The following DARS2 variants were observed in gnomAD, a reference collection of about 807,000 sequenced individuals.
DARS2 encodes aspartate--tRNA ligase, mitochondrial.
Under a neutral mutation model 83.0 loss-of-function variants are expected in DARS2, and 63 were observed. The ratio of observed to expected loss-of-function variants is 0.76; its 90% CI spans 0.62 to 0.94. DARS2 has a LOEUF of 0.94. Among genes scored for constraint, DARS2 ranks in the 40% least tolerant of loss-of-function variants. DARS2 has a pLI of 0.00. For synonymous variants in DARS2, 250 were observed against 269.3 expected (o/e 0.93, Z 0.70); for missense variants, 675 against 774.4 (o/e 0.87, Z 1.52).
At position 173,857,595 on chromosome 1, in the gene DARS2, G is replaced by A; in HGVS notation, c.1828G>A (p.Gly610Arg). Reference sequence around the variant, plus strand: ...CATAGCCTTCCCAAAGTCCTTCCGGGGACATGACCTCATGAGCAATACCCC... The same window carrying A: ...CATAGCCTTCCCAAAGTCCTTCCGGAGACATGACCTCATGAGCAATACCCC... ...DVIAFPKSFR[G>R]HDLMSNTPDS... The change falls in exon 17 of 17, where the codon GGA (glycine) becomes AGA (arginine). Residue 610 changes from glycine to arginine, a missense_variant. By Grantham distance (125) the Gly-to-Arg change is moderately radical. Transcript: ENST00000649689. 2 of 1,614,082 alleles carry A rather than the reference G, an allele frequency of 1.2e-6. No homozygotes were observed. The highest frequency in any genetic ancestry group is 1.7e-6 in the Non-Finnish European group (2 of 1,180,026).
intron 13 of DARS2, 102 bp from the exon 14 acceptor site, chr1:173,853,247 A>G: frequency 2.6e-6 from 3 of 1,139,610 alleles, no homozygotes; most frequent in Non-Finnish European, 4.0e-6. Context: ...TTAATTGGCT[A>G]ATCCTTTCCT....
intron 15 of DARS2, among the ~76,000 whole-genome samples, chr1:173,855,593 C>G (rs1653829588): frequency 6.6e-6 from 1 of 152,196 alleles, no homozygotes; most frequent in South Asian, 2.1e-4. Flanking sequence ...CCCAGCCCAG[C>G]TTCCAGTCAG....
chr1:173,836,863 C>T (rs1653023045), intron 7 of DARS2, 77 bp from the exon 8 acceptor site: 1 of 1,168,096 alleles, frequency 8.6e-7, no homozygotes, highest in Admixed American at 1.7e-5. Context: ...GTAACAACTT[C>T]TACTAGTTAG....
Position 173,833,497 on chromosome 1 carries a change from A to T in DARS2, c.614A>T (p.His205Leu). 1 of 1,614,134 alleles carries T rather than the reference A, an allele frequency of 6.2e-7. No individual in the cohort carries two copies. The highest frequency in any genetic ancestry group is 8.5e-7 in the Non-Finnish European group (1 of 1,180,018). ...ATGCGGGAATATCTCTGTAATCTGC[A>T]TGGTAAGAGAAATGCCTGGATGCTC... The part of the protein sequence containing the change: ...MKMREYLCNL[H>L]GFVDIETPTL... Residue 205 changes from histidine to leucine, a missense_variant and splice_region_variant, in exon 6 of 17, where the codon CAT (histidine) becomes CTT (leucine). Physicochemically the swap from His to Leu is moderately conservative, Grantham distance 99. Transcript: ENST00000649689.
intron 3 of DARS2, among the ~76,000 whole-genome samples, chr1:173,829,509 G>A (rs1473815815): frequency 6.6e-6 from 1 of 152,084 alleles, no homozygotes; most frequent in Non-Finnish European, 1.5e-5. Context: ...GCCAGGCATG[G>A]TGGCTCACAC....
chr1:173,839,388 G>A lies in DARS2; in HGVS notation c.862G>A (p.Val288Ile). 6.2e-7 allele frequency: 1 copy of A among 1,614,156 alleles called. No homozygotes were observed. Among genetic ancestry groups the A allele is most frequent in the Non-Finnish European group, 8.5e-7 (1 of 1,180,028 alleles). Residue 288 changes from valine to isoleucine, a missense_variant, in exon 10 of 17, where the codon GTA becomes ATA. Val to Ile is a conservative substitution (Grantham distance 29). Coordinates refer to ENST00000649689, the MANE Select transcript of DARS2 (RefSeq NM_018122.5). Reference sequence around the variant, plus strand: ...TCAGATTGACATAGAGATGTCATTTGTAGACCAGACTGGGATCCAGAGTTT... The same window carrying A: ...TCAGATTGACATAGAGATGTCATTTATAGACCAGACTGGGATCCAGAGTTT... ...FTQIDIEMSF[V>I]DQTGIQSLIE...
chr1:173,854,053 GCAATCT>G (rs1653775230), intron 15 of DARS2, 148 bp downstream of exon 15: 1 of 708,992 alleles, frequency 1.4e-6, no homozygotes, highest in African/African-American at 1.8e-5. Context: ...ATAGCTCACT[GCAATCT>G]CAGTCTCCTG....
intron 4 of DARS2, 41 bp downstream of exon 4, chr1:173,830,802 T>G: frequency 6.7e-7 from 1 of 1,489,718 alleles, no homozygotes; most frequent in East Asian, 2.3e-5. Flanking sequence ...TTTGCTTGTA[T>G]GCATTTGCAC....
intron 7 of DARS2, among the ~76,000 whole-genome samples, chr1:173,834,724 G>GTTTTTTTTTTTTTTTTTTTTTTTTTTT (rs1203102003): frequency 6.8e-5 from 1 of 14,768 alleles, no homozygotes; most frequent in Non-Finnish European, 1.5e-4. Flanking sequence ...TTTCCTTTGA[G>GTTTTTTTTTTTTTTTTTTTTTTTTTTT]TTTTTTTGTT....
intron 11 of DARS2, among the ~76,000 whole-genome samples, chr1:173,841,791 C>T (rs1008365096): frequency 1.3e-5 from 2 of 152,100 alleles, no homozygotes; most frequent in Admixed American, 6.6e-5. Flanking sequence ...ATAGCAAGAC[C>T]GTGTCTCAAA....
chr1:173,851,798 C>G lies in DARS2; in HGVS notation c.1344+1319C>G, dbSNP rs1353139413. The G allele has an allele frequency of 1.6e-5, 16 of 981,480 alleles. No homozygotes were observed. In the Admixed American group the frequency reaches 4.3e-4, roughly 26 times the overall value. The allele number at this position is 981,480 out of a possible 1,614,324, so 60.8% of individuals were successfully genotyped here. ...CTAGTACTTCATCAAGTTCTTTCTT[C>G]TAATCTATATTTTCATTTGTCATTG... On this transcript the variant is annotated intron_variant, in intron 13 of 16. Coordinates refer to ENST00000649689, the MANE Select transcript of DARS2 (RefSeq NM_018122.5).
chr1:173,850,407 G>T lies in DARS2; in HGVS notation c.1272G>T (p.Leu424=). The change falls in exon 13 of 17, where the codon CTG becomes CTT. Residue 424 remains leucine, a synonymous_variant. Transcript: ENST00000649689. Reference sequence around the variant, plus strand: ...ATTTCATAATGGAGTCACAAAGACTGGAATTAATCAGACTAATGGAGACCC... The same window carrying T: ...ATTTCATAATGGAGTCACAAAGACTTGAATTAATCAGACTAATGGAGACCC... ...VANFIMESQR[L]ELIRLMETQE... The T allele has an allele frequency of 6.2e-7, 1 of 1,613,858 alleles. No individual in the cohort carries two copies. Among genetic ancestry groups the T allele is most frequent in the East Asian group, 2.2e-5 (1 of 44,838 alleles).
Position 173,832,768 on chromosome 1 carries a change from C to CA in DARS2, c.493-590dup, listed in dbSNP as rs5779442. Among the ~76,000 whole-genome samples the CA allele has an allele frequency of 3.0e-3, 315 of 103,638 alleles. 3 individuals are homozygous for CA. The highest frequency in any genetic ancestry group is 4.5e-3 in the Middle Eastern group (1 of 222). 68.0% of individuals were successfully genotyped at this position (103,638 alleles called of 152,430 possible). A position where few individuals can be genotyped will look rare whatever the true frequency, so the allele number is the denominator to read the frequency against. On this transcript the variant is annotated intron_variant, in intron 5 of 16. Transcript: ENST00000649689. ...TGGGTGACACAGCAAGACTCCATCT[C>CA]AAAAAAAAAAAAAAAAAAGAGAGAG... is the stretch of plus-strand genomic sequence containing the variant.
chr1:173,833,150 TTCAG>T (rs1652856321), intron 5 of DARS2, among the ~76,000 whole-genome samples: 1 of 152,150 alleles, frequency 6.6e-6, no homozygotes. Flanking sequence ...GTAGGCAAAT[TTCAG>T]TCAGTGAAGA....
At chr1:173,850,603 ATCT>A in intron 13 of DARS2, 124 bp downstream of exon 13, 1 of 1,054,826 alleles carries the variant, frequency 9.5e-7, no homozygotes. Flanking sequence ...CTCTGCATAA[ATCT>A]TTTTTTTTTT....
intron 10 of DARS2, among the ~76,000 whole-genome samples, chr1:173,840,565 T>TTCC (rs1305235853): frequency 6.6e-6 from 1 of 152,226 alleles, no homozygotes; most frequent in Non-Finnish European, 1.5e-5. Flanking sequence ...GTCAGACTGC[T>TTCC]TGTGTTAAAT....
chr1:173,854,559 C>G (rs1378636432), intron 15 of DARS2, among the ~76,000 whole-genome samples: 2 of 152,108 alleles, frequency 1.3e-5, no homozygotes, highest in African/African-American at 4.8e-5. Flanking sequence ...ACTGAGGCAA[C>G]TTACTTAACT....
intron 5 of DARS2, 124 bp from the exon 6 acceptor site, chr1:173,833,252 G>T: frequency 1.3e-6 from 1 of 770,906 alleles, no homozygotes; most frequent in Non-Finnish European, 2.0e-6. Flanking sequence ...AGCATACAGT[G>T]GGCTACTTAA....
intron 13 of DARS2, among the ~76,000 whole-genome samples, chr1:173,851,142 G>A (rs978749274): frequency 6.6e-6 from 1 of 151,402 alleles, no homozygotes; most frequent in African/African-American, 2.4e-5. Context: ...CCAGTTCCTC[G>A]GGAGGCTGAG....
Sources: allele counts gnomAD v4.1 joint callset (sites outside exome capture counted in the v4.1 genomes callset), GRCh38; gene constraint gnomAD v4.1.1; transcripts MANE v1.5; gene names NCBI Gene and HGNC (gene_info 2026-07-23, HGNC 2026-07-21).